Variants in NRXN1 observed in about 807,000 individuals in gnomAD.
The protein encoded by NRXN1 is neurexin-1.
NRXN1 carries 39 observed loss-of-function variants against 150.9 expected under a neutral mutation model. The ratio of observed to expected loss-of-function variants is 0.26; its 90% CI spans 0.20 to 0.34. The LOEUF is 0.34. Among genes scored for constraint, NRXN1 ranks in the 10% least tolerant of loss-of-function variants. The pLI, the probability that NRXN1 is intolerant of heterozygous loss-of-function variation, is 1.00. For missense variants in NRXN1, 1,815 were observed against 1,949.9 expected (o/e 0.93, Z 1.30); for synonymous variants, 924 against 757.0 (o/e 1.22, Z -3.62).
intron 5 of NRXN1, among the ~76,000 whole-genome samples, chr2:50,852,454 T>C (rs1017770106): frequency 6.6e-6 from 1 of 152,322 alleles, no homozygotes; most frequent in African/African-American, 2.4e-5. Context: ...GTTTAAAATA[T>C]GTCTGCCTGT....
intron 2 of NRXN1, among the ~76,000 whole-genome samples, chr2:50,974,595 T>C (rs1176689905): frequency 6.6e-6 from 1 of 152,124 alleles, no homozygotes; most frequent in Non-Finnish European, 1.5e-5. Context: ...GATTTCCTGT[T>C]CTGAACAAGT....
chr2:50,514,864 T>C (rs2092579264), intron 12 of NRXN1, among the ~76,000 whole-genome samples: 1 of 152,220 alleles, frequency 6.6e-6, no homozygotes, highest in South Asian at 2.1e-4. Flanking sequence ...GAGTTTTAGA[T>C]TCGATATTGC....
chr2:50,778,069 C>T (rs947103756), intron 5 of NRXN1, among the ~76,000 whole-genome samples: 6 of 152,104 alleles, frequency 3.9e-5, no homozygotes, highest in Admixed American at 6.5e-5. Flanking sequence ...CTCCTCCCCC[C>T]CTTTTTTCTT....
At chr2:50,399,965 C>A (rs535930512) in intron 17 of NRXN1, among the ~76,000 whole-genome samples, 1 of 151,014 alleles carries the variant, frequency 6.6e-6, no homozygotes, top group East Asian at 2.0e-4. Context: ...AGATGGGAGT[C>A]CAGGAAAGAA....
intron 5 of NRXN1, among the ~76,000 whole-genome samples, chr2:50,764,905 T>C (rs145479318): frequency 6.6e-6 from 1 of 152,160 alleles, no homozygotes; most frequent in South Asian, 2.1e-4. Context: ...ACATCTGTAA[T>C]AGTTCCTGCT....
intron 5 of NRXN1, among the ~76,000 whole-genome samples, chr2:50,665,635 T>TA (rs1207517462): frequency 6.6e-6 from 1 of 152,040 alleles, no homozygotes; most frequent in Admixed American, 6.6e-5. Context: ...TTTGAGAAAG[T>TA]AACAATTTAT....
intron 5 of NRXN1, among the ~76,000 whole-genome samples, chr2:50,751,071 T>C (rs1320952287): frequency 6.6e-6 from 1 of 151,990 alleles, no homozygotes. Context: ...AGGTAGTACC[T>C]AAAGTCTACC....
intron 17 of NRXN1, among the ~76,000 whole-genome samples, chr2:50,339,985 AG>A (rs2077443050): frequency 1.3e-5 from 2 of 152,200 alleles, no homozygotes; most frequent in African/African-American, 4.8e-5. Flanking sequence ...ATTTAAATCC[AG>A]TGGGTTTTGT....
chr2:50,239,419 T>A (rs1649150255), intron 17 of NRXN1, among the ~76,000 whole-genome samples: 1 of 151,096 alleles, frequency 6.6e-6, no homozygotes, highest in South Asian at 2.1e-4. Flanking sequence ...ATTCAGATGG[T>A]TTAAGAATTA....
chr2:50,801,020 T>G (rs922526841), intron 5 of NRXN1, among the ~76,000 whole-genome samples: 2 of 152,190 alleles, frequency 1.3e-5, no homozygotes, highest in African/African-American at 4.8e-5. Flanking sequence ...TTGAATGACT[T>G]CTATTAAACT....
At chr2:50,973,992 T>A (rs1695428056) in intron 2 of NRXN1, among the ~76,000 whole-genome samples, 1 of 125,798 alleles carries the variant, frequency 7.9e-6, no homozygotes, top group African/African-American at 2.8e-5. Context: ...AGATAATACA[T>A]CTGATGTAAA....
intron 17 of NRXN1, among the ~76,000 whole-genome samples, chr2:50,237,197 G>A (rs75866926): frequency 0.018 from 2,786 of 152,194 alleles, 38 homozygotes; most frequent in Non-Finnish European, 0.028. Context: ...ACCAGTAGGT[G>A]TTTCAGAACA....
intron 18 of NRXN1, among the ~76,000 whole-genome samples, chr2:50,139,229 G>C (rs1706879755): frequency 6.6e-6 from 1 of 150,586 alleles, no homozygotes; most frequent in East Asian, 2.0e-4. Flanking sequence ...GGGAGGCCGA[G>C]ACAGGAGAGT....
intron 21 of NRXN1, among the ~76,000 whole-genome samples, chr2:49,984,400 A>C (rs905910460): frequency 1.3e-5 from 2 of 152,204 alleles, no homozygotes; most frequent in Non-Finnish European, 2.9e-5. Flanking sequence ...GACGTCGTAT[A>C]AACTAAACAG....
chr2:50,979,257 G>A (rs1192025006), intron 2 of NRXN1: 2 of 517,976 alleles, frequency 3.9e-6, no homozygotes, highest in Admixed American at 1.9e-5. Context: ...AAGATAAACA[G>A]ATGCAATATT....
intron 5 of NRXN1, among the ~76,000 whole-genome samples, chr2:50,697,082 C>G (rs1373875496): frequency 6.6e-6 from 1 of 151,972 alleles, no homozygotes; most frequent in Non-Finnish European, 1.5e-5. Flanking sequence ...ATATGAATAC[C>G]CTGCAACCTC....
chr2:50,793,137 A>G (rs1298277607), intron 5 of NRXN1, among the ~76,000 whole-genome samples: 1 of 152,164 alleles, frequency 6.6e-6, no homozygotes, highest in East Asian at 1.9e-4. Flanking sequence ...CCAGAAGAAA[A>G]AGCAAAGTTT....
chr2:50,779,828 A>G (rs1704124654), intron 5 of NRXN1, among the ~76,000 whole-genome samples: 1 of 151,896 alleles, frequency 6.6e-6, no homozygotes, highest in Non-Finnish European at 1.5e-5. Flanking sequence ...TAAAATAAAC[A>G]TGTGTGCATA....
intron 5 of NRXN1, among the ~76,000 whole-genome samples, chr2:50,668,672 A>G (rs1381067204): frequency 1.3e-5 from 2 of 151,952 alleles, no homozygotes; most frequent in African/African-American, 4.8e-5. Context: ...TTCAAATATC[A>G]TCATTTTGGC....
Sources: gnomAD v4.1 joint callset for allele counts (sites outside exome capture counted in the v4.1 genomes callset) on GRCh38, gnomAD v4.1.1 for gene constraint, MANE v1.5 for transcripts, NCBI Gene and HGNC (gene_info 2026-07-23, HGNC 2026-07-21) for gene names.